Variants in PPP1CC observed in about 807,000 individuals in gnomAD.
The protein encoded by PPP1CC is serine/threonine-protein phosphatase PP1-gamma catalytic subunit.
A neutral mutation model predicts 38.4 loss-of-function variants in PPP1CC; 16 were observed. The observed-to-expected ratio is 0.42, with a 90% CI of 0.28 to 0.63. PPP1CC has a LOEUF of 0.63. PPP1CC is among the 30% of genes least tolerant of loss of function. The probability of loss-of-function intolerance (pLI) is 0.25; values close to 1 mark genes in which losing one functional copy is unlikely to be tolerated. For synonymous variants in PPP1CC, 158 were observed against 136.0 expected, an observed-to-expected ratio of 1.16 and a Z score of -1.13; for missense variants, 170 against 391.3, an observed-to-expected ratio of 0.43 and a Z score of 4.77.
At chr12:110,733,281 G>A (rs1402530776) in intron 1 of PPP1CC, among the ~76,000 whole-genome samples, 1 of 152,168 alleles carries the variant, frequency 6.6e-6, no homozygotes, top group Non-Finnish European at 1.5e-5. Context: ...GGCTAGGAAG[G>A]AAATCCTAGA....
intron 1 of PPP1CC, among the ~76,000 whole-genome samples, chr12:110,735,790 C>A (rs1158790233): frequency 2.0e-5 from 3 of 151,552 alleles, no homozygotes; most frequent in Non-Finnish European, 2.9e-5. Context: ...CTCGGCCAGG[C>A]ACGGTGGCTC....
chr12:110,724,490 T>C (rs190356099), intron 4 of PPP1CC, among the ~76,000 whole-genome samples, 170 bp downstream of exon 4: 1 of 152,350 alleles, frequency 6.6e-6, no homozygotes, highest in East Asian at 1.9e-4. Flanking sequence ...TTCCTTAAGA[T>C]TTTTATCCAA....
chr12:110,728,511 G>C (rs1245930936), intron 3 of PPP1CC, among the ~76,000 whole-genome samples: 1 of 151,884 alleles, frequency 6.6e-6, no homozygotes, highest in African/African-American at 2.4e-5. Context: ...CCAGCACTTA[G>C]GGAGGCTGAG....
intron 1 of PPP1CC, chr12:110,732,196 C>T (rs2069880441): frequency 2.1e-6 from 1 of 469,308 alleles, no homozygotes. Flanking sequence ...ATGGCTCACG[C>T]TTGTAATCCC....
At position 110,742,776 on chromosome 12, in the gene PPP1CC, T is replaced by C; in HGVS notation, c.-69A>G. The stretch of plus-strand genomic sequence containing the variant: ...CTCGCGCCCGGGACTCACACCTCCT[T>C]TCCCACGCCACGAGCAGAGGCGGTG... On this transcript the variant is annotated 5_prime_UTR_variant, in exon 1 of 7. Coordinates refer to ENST00000335007, the MANE Select transcript of PPP1CC (RefSeq NM_002710.4). The C allele has an allele frequency of 5.6e-6, 7 of 1,239,666 alleles. No homozygotes were observed. Among genetic ancestry groups the C allele is most frequent in the Non-Finnish European group, 6.3e-6 (6 of 956,180 alleles). 76.8% of individuals were successfully genotyped at this position (1,239,666 alleles called of 1,614,324 possible).
At chr12:110,739,575 G>T (rs1403956317) in intron 1 of PPP1CC, among the ~76,000 whole-genome samples, 2 of 152,142 alleles carry the variant, frequency 1.3e-5, no homozygotes, top group South Asian at 2.1e-4. Flanking sequence ...TTATGTATCA[G>T]AGGATTAAAT....
At chr12:110,711,957 T>G in the PPP1CC span, among the ~76,000 whole-genome samples, 2 of 151,998 alleles carry the variant, frequency 1.3e-5, no homozygotes, top group African/African-American at 2.4e-5. Context: ...AACAAACCAT[T>G]AAAAATACAG....
chr12:110,731,995 C>G, intron 1 of PPP1CC, 94 bp from the exon 2 acceptor site: 1 of 1,375,800 alleles, frequency 7.3e-7, no homozygotes. Flanking sequence ...GTTTAACTAG[C>G]TTTCTGAGTG....
At chr12:110,723,895 T>C (rs1380808272) in intron 4 of PPP1CC, among the ~76,000 whole-genome samples, 10 of 152,162 alleles carry the variant, frequency 6.6e-5, no homozygotes, top group Admixed American at 6.5e-4. Flanking sequence ...TCTTGAGTGT[T>C]CTAGAGGATC....
chr12:110,726,101 T>C (rs75419636), intron 3 of PPP1CC: 2,623 of 152,316 alleles, frequency 0.017, 82 homozygotes, highest in African/African-American at 0.059. Context: ...ACCAAGAGTT[T>C]GTCCTTAGTC....
chr12:110,728,419 A>G (rs1472970111), intron 3 of PPP1CC, among the ~76,000 whole-genome samples: 1 of 151,764 alleles, frequency 6.6e-6, no homozygotes, highest in Non-Finnish European at 1.5e-5. Flanking sequence ...AAAAAACAAA[A>G]AACAAAAAAC....
In PPP1CC at chr12:110,731,710, T is replaced by C. The variant is rs2069873821; in HGVS notation, c.187+60A>G. The C allele has an allele frequency of 2.6e-5, 41 of 1,556,040 alleles. 1 individual carries two copies. The South Asian group carries it at 4.7e-4, about 18-fold the overall frequency. The stretch of plus-strand genomic sequence containing the variant: ...GCTAGCTAATACAAGGTCATCAACA[T>C]ATCCTTGACTCAGTTAATCAATCAT... On this transcript the variant is annotated intron_variant, in intron 2 of 6. Coordinates refer to ENST00000335007, the MANE Select transcript of PPP1CC (RefSeq NM_002710.4).
At chr12:110,730,230 A>G (rs2069856488) in intron 3 of PPP1CC, among the ~76,000 whole-genome samples, 1 of 152,192 alleles carries the variant, frequency 6.6e-6, no homozygotes, top group Admixed American at 6.5e-5. Flanking sequence ...GTGGTGATGC[A>G]TGTCTGCAGT....
intron 3 of PPP1CC, among the ~76,000 whole-genome samples, chr12:110,730,279 A>T (rs2069857330): frequency 6.6e-6 from 1 of 152,204 alleles, no homozygotes; most frequent in African/African-American, 2.4e-5. Context: ...GGATTGCTTG[A>T]GCCTGGGAGG....
intron 2 of PPP1CC, 93 bp downstream of exon 2, chr12:110,731,677 A>C: frequency 7.2e-7 from 1 of 1,395,982 alleles, no homozygotes; most frequent in East Asian, 2.4e-5. Context: ...AAACAGGATA[A>C]TCATTCTGCT....
chr12:110,716,260 T>A (rs1256150625), downstream of PPP1CC, among the ~76,000 whole-genome samples: 1 of 152,226 alleles, frequency 6.6e-6, no homozygotes, highest in Non-Finnish European at 1.5e-5. Flanking sequence ...TATTTTAAAA[T>A]TCTTACAAAC....
intron 1 of PPP1CC, among the ~76,000 whole-genome samples, chr12:110,740,682 CAA>C (rs1398377243): frequency 6.6e-6 from 1 of 152,022 alleles, no homozygotes; most frequent in Non-Finnish European, 1.5e-5. Flanking sequence ...TGCCACATAA[CAA>C]GAGGAACTAT....
chr12:110,718,533 T>TGCAAA (rs578226781), downstream of PPP1CC, among the ~76,000 whole-genome samples: 2 of 152,176 alleles, frequency 1.3e-5, no homozygotes, highest in South Asian at 2.1e-4. Context: ...TGGTATCAGG[T>TGCAAA]GCAAAGCAAA....
chr12:110,719,298 T>C (rs2069713070), downstream of PPP1CC, among the ~76,000 whole-genome samples: 1 of 152,152 alleles, frequency 6.6e-6, no homozygotes, highest in African/African-American at 2.4e-5. Context: ...GACCGGGGCT[T>C]GTTAGCAGAG....
Sources: allele counts gnomAD v4.1 joint callset (sites outside exome capture counted in the v4.1 genomes callset), GRCh38; gene constraint gnomAD v4.1.1; transcripts MANE v1.5; gene names NCBI Gene and HGNC (gene_info 2026-07-23, HGNC 2026-07-21).